Variants in SUPT3H observed in about 807,000 individuals in gnomAD.
SUPT3H encodes the protein SPT3 homolog, SAGA and STAGA complex component.
Under a neutral mutation model 44.3 loss-of-function variants are expected in SUPT3H, and 44 were observed. The observed-to-expected ratio is 0.99, with a 90% CI of 0.78 to 1.28. The LOEUF is 1.28. Among genes scored for constraint, SUPT3H ranks in the 50% most tolerant of loss-of-function variants. The probability of loss-of-function intolerance (pLI) is 0.00; values close to 1 mark genes in which losing one functional copy is unlikely to be tolerated. For synonymous variants in SUPT3H, 124 were observed against 125.6 expected (o/e 0.99, Z 0.09); for missense variants, 380 against 387.1 (o/e 0.98, Z 0.15).
At chr6:45,074,105 T>G (rs1243093761) in intron 3 of SUPT3H, among the ~76,000 whole-genome samples, 1 of 151,990 alleles carries the variant, frequency 6.6e-6, no homozygotes, top group African/African-American at 2.4e-5. Flanking sequence ...AGTCCTTTAT[T>G]TATGTCCAAA....
chr6:45,199,543 C>G (rs191394673), intron 2 of SUPT3H, among the ~76,000 whole-genome samples: 1 of 151,344 alleles, frequency 6.6e-6, no homozygotes, highest in Admixed American at 6.6e-5. Context: ...ACTTCGTCAT[C>G]CAAAAGACTA....
intron 2 of SUPT3H, among the ~76,000 whole-genome samples, chr6:45,309,104 G>T (rs1432756844): frequency 1.3e-5 from 2 of 149,886 alleles, no homozygotes; most frequent in African/African-American, 4.9e-5. Context: ...ATGGAGAAAG[G>T]ATTATGATAA....
intron 11 of SUPT3H, among the ~76,000 whole-genome samples, chr6:44,821,176 G>A (rs1312453636): frequency 1.3e-5 from 2 of 152,122 alleles, no homozygotes; most frequent in African/African-American, 4.8e-5. Flanking sequence ...GATATTTCAT[G>A]TATGGCTTGA....
At chr6:44,936,694 G>A (rs1156662579) in intron 9 of SUPT3H, among the ~76,000 whole-genome samples, 4 of 152,062 alleles carry the variant, frequency 2.6e-5, no homozygotes, top group Non-Finnish European at 5.9e-5. Flanking sequence ...TTGAGACAGC[G>A]TCTTGCTCTG....
At chr6:44,933,746 C>T (rs780673333) in intron 9 of SUPT3H, among the ~76,000 whole-genome samples, 2 of 152,108 alleles carry the variant, frequency 1.3e-5, no homozygotes, top group African/African-American at 4.8e-5. Context: ...TGGGCTCAAG[C>T]GATCCTCTGG....
intron 10 of SUPT3H, among the ~76,000 whole-genome samples, chr6:44,905,310 C>A (rs907017343): frequency 3.8e-4 from 58 of 151,982 alleles, no homozygotes; most frequent in African/African-American, 1.4e-3. Flanking sequence ...CAATGATCTC[C>A]AACAATTTAC....
intron 3 of SUPT3H, among the ~76,000 whole-genome samples, chr6:45,101,730 C>T (rs1422085868): frequency 1.3e-5 from 2 of 151,948 alleles, no homozygotes; most frequent in Non-Finnish European, 2.9e-5. Context: ...ACATTGTATA[C>T]ATGTGTCAAA....
At chr6:44,995,259 T>C (rs1394454225) in intron 6 of SUPT3H, among the ~76,000 whole-genome samples, 1 of 151,974 alleles carries the variant, frequency 6.6e-6, no homozygotes, top group Admixed American at 6.6e-5. Context: ...AAAATACCCA[T>C]GAAACTAGAA....
intron 2 of SUPT3H, among the ~76,000 whole-genome samples, chr6:45,124,577 G>A (rs376193449): frequency 2.0e-5 from 3 of 151,376 alleles, no homozygotes; most frequent in South Asian, 2.1e-4. Context: ...CCCGGGACGC[G>A]GAGGTTGCAG....
intron 2 of SUPT3H, among the ~76,000 whole-genome samples, chr6:45,116,919 C>T (rs1209486186): frequency 2.6e-5 from 4 of 152,094 alleles, no homozygotes; most frequent in Non-Finnish European, 5.9e-5. Flanking sequence ...CACTAATCTA[C>T]TTGAAGAAAC....
intron 10 of SUPT3H, among the ~76,000 whole-genome samples, chr6:44,931,701 AATCT>A (rs1433640714): frequency 6.6e-6 from 1 of 152,098 alleles, no homozygotes; most frequent in East Asian, 1.9e-4. Flanking sequence ...TTACACAGAG[AATCT>A]ATCTACATAA....
chr6:45,120,417 T>TAAAAAAAAAAAAAAAAAAAAAAA (rs71687494), intron 2 of SUPT3H, among the ~76,000 whole-genome samples: 16 of 50,506 alleles, frequency 3.2e-4, no homozygotes, highest in Non-Finnish European at 4.8e-4. Context: ...AGACCTTGTC[T>TAAAAAAAAAAAAAAAAAAAAAAA]AAAAAAAAAA....
intron 2 of SUPT3H, among the ~76,000 whole-genome samples, chr6:45,354,983 G>GA (rs1563010991): frequency 6.6e-6 from 1 of 151,750 alleles, no homozygotes; most frequent in Non-Finnish European, 1.5e-5. Context: ...GCACTTTGAG[G>GA]TTTTTTTTGG....
intron 6 of SUPT3H, among the ~76,000 whole-genome samples, chr6:44,996,181 G>A (rs929785630): frequency 1.3e-5 from 2 of 151,416 alleles, no homozygotes; most frequent in Non-Finnish European, 3.0e-5. Flanking sequence ...ATACTTTCTC[G>A]GTTTTACTAA....
intron 3 of SUPT3H, among the ~76,000 whole-genome samples, chr6:45,081,143 TC>T (rs1310519219): frequency 6.6e-6 from 1 of 152,022 alleles, no homozygotes; most frequent in Non-Finnish European, 1.5e-5. Context: ...AAACCTTCTC[TC>T]CTGAACAAAG....
chr6:44,970,625 G>A (rs938978491), intron 6 of SUPT3H, among the ~76,000 whole-genome samples: 2 of 151,198 alleles, frequency 1.3e-5, no homozygotes, highest in South Asian at 4.2e-4. Flanking sequence ...AAGTGAACAT[G>A]CTAGTTTAAT....
chr6:45,109,099 C>G (rs1799693959), intron 2 of SUPT3H, among the ~76,000 whole-genome samples: 1 of 152,042 alleles, frequency 6.6e-6, no homozygotes, highest in Admixed American at 6.6e-5. Context: ...AGTCAAAACA[C>G]TTTTGAAGTA....
intron 2 of SUPT3H, among the ~76,000 whole-genome samples, chr6:45,178,216 A>G (rs1279455347): frequency 8.5e-5 from 13 of 152,204 alleles, no homozygotes; most frequent in African/African-American, 1.2e-4. Context: ...ATAAAAGGAT[A>G]GAGGAAGATC....
intron 2 of SUPT3H, among the ~76,000 whole-genome samples, chr6:45,211,538 T>A (rs1185852621): frequency 6.6e-6 from 1 of 152,096 alleles, no homozygotes; most frequent in Non-Finnish European, 1.5e-5. Flanking sequence ...TCCAATAACA[T>A]GGTCTCTAGG....
Sources: gnomAD v4.1 joint callset for allele counts (sites outside exome capture counted in the v4.1 genomes callset) on GRCh38, gnomAD v4.1.1 for gene constraint, MANE v1.5 for transcripts, NCBI Gene and HGNC (gene_info 2026-07-23, HGNC 2026-07-21) for gene names.